Variants in MAP3K8 observed in about 807,000 individuals in gnomAD.
MAP3K8 encodes mitogen-activated protein kinase kinase kinase 8.
MAP3K8 carries 22 observed loss-of-function variants against 45.8 expected under a neutral mutation model. That is an observed-to-expected ratio of 0.48 (90% CI 0.34 to 0.69). MAP3K8 has a LOEUF of 0.69. Ranked by LOEUF, MAP3K8 falls within the 30% of genes least tolerant of loss-of-function variation. The pLI is 0.01. For synonymous variants in MAP3K8, 223 were observed against 214.3 expected, an observed-to-expected ratio of 1.04 and a Z score of -0.36; for missense variants, 419 against 585.0, an observed-to-expected ratio of 0.72 and a Z score of 2.93.
At chr10:30,442,306 C>T (rs999832611) in intron 3 of MAP3K8, among the ~76,000 whole-genome samples, 1 of 152,216 alleles carries the variant, frequency 6.6e-6, no homozygotes, top group Non-Finnish European at 1.5e-5. Context: ...TCAGCACAGC[C>T]TTCCAAGAAG....
At chr10:30,442,797 G>A (rs1379466868) in intron 3 of MAP3K8, among the ~76,000 whole-genome samples, 1 of 152,130 alleles carries the variant, frequency 6.6e-6, no homozygotes, top group Non-Finnish European at 1.5e-5. Flanking sequence ...ATATCTATAA[G>A]TGTGAGAGCT....
At chr10:30,434,672 A>C in intron 1 of MAP3K8, 4 of 985,436 alleles carry the variant, frequency 4.1e-6, no homozygotes, top group Non-Finnish European at 3.6e-6. Context: ...GTGCGCGGGG[A>C]AGCGGGGACC....
intron 7 of MAP3K8, 32 bp downstream of exon 7, chr10:30,458,268 C>CTG (rs527459022): frequency 6.8e-6 from 3 of 439,436 alleles, no homozygotes; most frequent in East Asian, 5.0e-5. Context: ...CTGGGGGCGG[C>CTG]GGGGGGGGGC....
chr10:30,456,421 C>G (rs1051536095), intron 6 of MAP3K8, among the ~76,000 whole-genome samples: 1 of 152,096 alleles, frequency 6.6e-6, no homozygotes, highest in South Asian at 2.1e-4. Flanking sequence ...GAAGCTGGCC[C>G]GGAAGTGGCT....
chr10:30,446,701 C>T (rs1836352861), intron 3 of MAP3K8, among the ~76,000 whole-genome samples: 1 of 152,056 alleles, frequency 6.6e-6, no homozygotes, highest in African/African-American at 2.4e-5. Context: ...TTGCATTTCC[C>T]ATGAACTACC....
In MAP3K8 at chr10:30,450,401, G is replaced by A. The variant is rs776648531; in HGVS notation, c.648G>A (p.Leu216=). Residue 216 remains leucine, a synonymous_variant, in exon 5 of 9, where the codon CTG becomes CTA. Transcript: ENST00000263056. ...FMEAGEGGSV[L]EKLESCGPMR... is the part of the protein sequence containing the mutation. ...AAGCAGGCGAGGGAGGGTCTGTTCT[G>A]GAGAAACTGGAGAGCTGTGGACCAA... is the stretch of plus-strand genomic sequence containing the variant. 6.2e-7 allele frequency: 1 copy of A among 1,614,140 alleles called. No individual in the cohort carries two copies. The highest frequency in any genetic ancestry group is 1.1e-5 in the South Asian group (1 of 91,082).
intron 3 of MAP3K8, among the ~76,000 whole-genome samples, chr10:30,446,507 C>A (rs1182611934): frequency 6.7e-6 from 1 of 150,078 alleles, no homozygotes. Flanking sequence ...TGCACTCCAG[C>A]CTAGGCAACA....
In MAP3K8 at chr10:30,450,260, C is replaced by T; in HGVS notation, c.507C>T (p.Ile169=). 6.3e-7 allele frequency: 1 copy of T among 1,592,222 alleles called. No individual in the cohort carries two copies. ...TCGCTTGTATTTTTGTGTTCTAGAT[C>T]CCAGTAGATCAATTTAAGCCATCTG... ...KTKKRMACKL[I]PVDQFKPSDV... Residue 169 remains isoleucine (I), a splice_region_variant and synonymous_variant, in exon 5 of 9, where the codon ATC becomes ATT. Coordinates refer to ENST00000263056, the MANE Select transcript of MAP3K8 (RefSeq NM_005204.4).
intron 4 of MAP3K8, among the ~76,000 whole-genome samples, chr10:30,448,721 C>T (rs894121812): frequency 7.2e-5 from 11 of 152,034 alleles, no homozygotes; most frequent in Non-Finnish European, 1.0e-4. Flanking sequence ...CATAAGCCAC[C>T]GCGCCCTGCC....
At chr10:30,443,228 T>C (rs575900143) in intron 3 of MAP3K8, among the ~76,000 whole-genome samples, 6 of 152,222 alleles carry the variant, frequency 3.9e-5, no homozygotes, top group African/African-American at 1.2e-4. Flanking sequence ...CACCTGTCTG[T>C]GCCTCAGTTT....
chr10:30,459,938 T>G (rs634550), intron 8 of MAP3K8, among the ~76,000 whole-genome samples: 92,852 of 151,614 alleles, frequency 0.61, 29,555 homozygotes, highest in Non-Finnish European at 0.71. Context: ...TGCCTCCCGG[T>G]TTCAAGTGAT....
chr10:30,460,865 C>T lies in MAP3K8; in HGVS notation c.*29C>T, dbSNP rs1284942683. 1 of 1,611,010 alleles carries T rather than the reference C, an allele frequency of 6.2e-7. No individual in the cohort carries two copies. The highest frequency in any genetic ancestry group is 1.7e-5 in the Admixed American group (1 of 59,896). On this transcript the variant is annotated 3_prime_UTR_variant, in exon 9 of 9. Transcript: ENST00000263056. Reference sequence around the variant, plus strand: ...ATGCCATGTTTGCTCTAAATTAAGACAGCATTGATCTCCTGGAGGCTGGTT... The same window carrying T: ...ATGCCATGTTTGCTCTAAATTAAGATAGCATTGATCTCCTGGAGGCTGGTT...
intron 1 of MAP3K8, among the ~76,000 whole-genome samples, chr10:30,435,420 CAG>C (rs1835880190): frequency 6.6e-6 from 1 of 152,194 alleles, no homozygotes; most frequent in Non-Finnish European, 1.5e-5. Context: ...GGTTTTGAAG[CAG>C]AGTGTCGGTC....
intron 3 of MAP3K8, among the ~76,000 whole-genome samples, chr10:30,447,355 TTCTCTG>T: frequency 6.6e-6 from 1 of 152,238 alleles, no homozygotes; most frequent in Admixed American, 6.5e-5. Flanking sequence ...TTGATGTTCT[TTCTCTG>T]TATGCGTCAT....
intron 3 of MAP3K8, among the ~76,000 whole-genome samples, chr10:30,443,117 T>A (rs1252048790): frequency 6.6e-6 from 1 of 152,126 alleles, no homozygotes; most frequent in Non-Finnish European, 1.5e-5. Flanking sequence ...AAAGTGCATA[T>A]GATGAGCAGT....
intron 1 of MAP3K8, among the ~76,000 whole-genome samples, chr10:30,436,713 T>C (rs1835921361): frequency 7.0e-6 from 1 of 143,452 alleles, no homozygotes; most frequent in Non-Finnish European, 1.5e-5. Context: ...AAAAAAAAAA[T>C]CCTCTAAAAT....
At chr10:30,437,642 A>G (rs907056758) in intron 2 of MAP3K8, among the ~76,000 whole-genome samples, 1 of 152,166 alleles carries the variant, frequency 6.6e-6, no homozygotes, top group Non-Finnish European at 1.5e-5. Context: ...GATGACACTA[A>G]ATTGCATGGT....
intron 1 of MAP3K8, 189 bp downstream of exon 1, chr10:30,434,567 C>G (rs1835849781): frequency 1.0e-6 from 1 of 985,822 alleles, no homozygotes; most frequent in Non-Finnish European, 1.2e-6. Context: ...TGGAAAGCAC[C>G]TTGCGCAAGG....
At chr10:30,441,984 G>T (rs866421465) in intron 3 of MAP3K8, among the ~76,000 whole-genome samples, 19 of 152,214 alleles carry the variant, frequency 1.2e-4, no homozygotes, top group African/African-American at 4.3e-4. Context: ...TAGGAAAATA[G>T]CAGCTGATTG....
Sources: allele counts gnomAD v4.1 joint callset (sites outside exome capture counted in the v4.1 genomes callset), GRCh38; gene constraint gnomAD v4.1.1; transcripts MANE v1.5; gene names NCBI Gene and HGNC (gene_info 2026-07-23, HGNC 2026-07-21).